The following AZI2 variants were observed in gnomAD, a reference collection of about 807,000 sequenced individuals.
The protein encoded by AZI2 is 5-azacytidine-induced protein 2.
In AZI2, 22 loss-of-function variants were observed where a neutral mutation model predicts 45.8. That is an observed-to-expected ratio of 0.48 (90% CI 0.34 to 0.69). The LOEUF is 0.69. Ranked by LOEUF, AZI2 falls within the 30% of genes least tolerant of loss-of-function variation. The probability of loss-of-function intolerance (pLI) is 0.01; values close to 1 mark genes in which losing one functional copy is unlikely to be tolerated. For synonymous variants in AZI2, 137 were observed against 156.7 expected, an observed-to-expected ratio of 0.87 and a Z score of 0.94; for missense variants, 417 against 441.5, an observed-to-expected ratio of 0.94 and a Z score of 0.50.
chr3:28,341,991 A>C (rs2125665441), intron 1 of AZI2, among the ~76,000 whole-genome samples: 1 of 152,206 alleles, frequency 6.6e-6, no homozygotes, highest in South Asian at 2.1e-4. Context: ...CCACGTTTCC[A>C]ACCCGTGTTT....
intron 5 of AZI2, among the ~76,000 whole-genome samples, chr3:28,334,177 TC>T (rs1212420736): frequency 1.3e-5 from 2 of 151,886 alleles, no homozygotes; most frequent in Admixed American, 1.3e-4. Flanking sequence ...CACTATTATA[TC>T]CATGTAGGAT....
At chr3:28,338,127 T>G (rs1350140748) in intron 3 of AZI2, 91 bp from the exon 4 acceptor site, 1 of 644,722 alleles carries the variant, frequency 1.6e-6, no homozygotes, top group African/African-American at 1.9e-5. Context: ...AAAAAACACA[T>G]TCTTGTCTTT....
At chr3:28,345,286 T>A (rs930923251) in intron 1 of AZI2, among the ~76,000 whole-genome samples, 6 of 152,176 alleles carry the variant, frequency 3.9e-5, no homozygotes, top group African/African-American at 1.2e-4. Context: ...ATTCTTAGTA[T>A]CCTTGAACAT....
chr3:28,340,487 G>A lies in AZI2; in HGVS notation c.131C>T (p.Ala44Val), dbSNP rs1250001152. Residue 44 changes from alanine (A) to valine (V), a missense_variant, in exon 2 of 8, where the codon GCA becomes GTA. Coordinates refer to ENST00000479665, the MANE Select transcript of AZI2 (RefSeq NM_022461.5). ...SVASHFALVT[A>V]YEDIKKRLKD... ...AAGTCGTTTTTTGATGTCTTCATAT[G>A]CAGTGACAAGAGCAAAATGGGAAGC... The A allele has an allele frequency of 6.2e-7, 1 of 1,611,444 alleles. No individual in the cohort carries two copies. The highest frequency in any genetic ancestry group is 1.1e-5 in the South Asian group (1 of 90,968).
In AZI2 at chr3:28,324,461, A is replaced by G. The variant is rs1703306173; in HGVS notation, c.767-7T>C. The G allele has an allele frequency of 4.1e-6, 6 of 1,456,558 alleles. No homozygotes were observed. Among genetic ancestry groups the G allele is most frequent in the African/African-American group, 1.4e-5 (1 of 70,624 alleles). 90.2% of individuals were successfully genotyped at this position (1,456,558 alleles called of 1,614,324 possible). On this transcript the variant is annotated splice_region_variant and splice_polypyrimidine_tract_variant and intron_variant, in intron 7 of 7. Transcript: ENST00000479665. Reference sequence around the variant, plus strand: ...CATCCTACAGGGGCACAGGCTAAAAAGAAAACACAGACTAAATGTCAGTTT... The same window carrying G: ...CATCCTACAGGGGCACAGGCTAAAAGGAAAACACAGACTAAATGTCAGTTT...
chr3:28,326,819 A>G lies in AZI2; in HGVS notation c.766+13T>C, dbSNP rs1703408020. On this transcript the variant is annotated intron_variant, in intron 7 of 7. Transcript: ENST00000479665. The stretch of plus-strand genomic sequence containing the variant: ...TGGCTGGAATCAGTGGTTTCCGGTA[A>G]ACAGTGACTTGCCTTTCTTGATTGC... The G allele has an allele frequency of 6.3e-7, 1 of 1,584,024 alleles. No homozygotes were observed. The highest frequency in any genetic ancestry group is 1.7e-5 in the Admixed American group (1 of 59,682).
chr3:28,331,003 A>T (rs144527293), intron 6 of AZI2, among the ~76,000 whole-genome samples: 1 of 151,490 alleles, frequency 6.6e-6, no homozygotes, highest in Non-Finnish European at 1.5e-5. Context: ...CTTTCCCCAA[A>T]TCCTGGCACA....
Position 28,336,555 on chromosome 3 carries a change from C to T in AZI2, c.588+182G>A, listed in dbSNP as rs541929237. Among the ~76,000 whole-genome samples the T allele has an allele frequency of 4.6e-5, 7 of 151,972 alleles. No individual in the cohort carries two copies. The East Asian group carries it at 1.4e-3, about 29-fold the overall frequency. Reference sequence around the variant, plus strand: ...TTTGTGACAGACTAAAAGTATATGGCATGTCAAATTTTAGCAGAAATGCTT... The same window carrying T: ...TTTGTGACAGACTAAAAGTATATGGTATGTCAAATTTTAGCAGAAATGCTT... On this transcript the variant is annotated intron_variant, in intron 5 of 7. Coordinates refer to ENST00000479665, the MANE Select transcript of AZI2 (RefSeq NM_022461.5).
At chr3:28,331,132 T>G (rs973668514) in intron 6 of AZI2, among the ~76,000 whole-genome samples, 2 of 151,400 alleles carry the variant, frequency 1.3e-5, no homozygotes, top group Non-Finnish European at 3.0e-5. Context: ...CTCCCATGAA[T>G]GGAAGCAGAA....
intron 5 of AZI2, among the ~76,000 whole-genome samples, chr3:28,333,509 AT>A (rs941213774): frequency 1.4e-5 from 2 of 147,844 alleles, no homozygotes; most frequent in African/African-American, 5.1e-5. Context: ...ATGAATTAAA[AT>A]TTTTTTTTTA....
At chr3:28,338,979 T>C (rs1703906970) in intron 2 of AZI2, among the ~76,000 whole-genome samples, 1 of 151,990 alleles carries the variant, frequency 6.6e-6, no homozygotes, top group African/African-American at 2.4e-5. Flanking sequence ...TAGGGCATAC[T>C]TGACTTTTTT....
chr3:28,336,453 G>A (rs890475867), intron 5 of AZI2, among the ~76,000 whole-genome samples: 11 of 151,946 alleles, frequency 7.2e-5, no homozygotes, highest in African/African-American at 2.7e-4. Context: ...TTGAAGGAAA[G>A]AGAGTCTGAA....
intron 1 of AZI2, 33 bp from the exon 2 acceptor site, chr3:28,340,655 T>G: frequency 1.3e-6 from 2 of 1,494,756 alleles, no homozygotes. Flanking sequence ...GAGTGACAAA[T>G]GTCTCACTGA....
chr3:28,336,834 C>T lies in AZI2; in HGVS notation c.491G>A (p.Ser164Asn), dbSNP rs890503108. The change falls in exon 5 of 8, where the codon AGC (serine) becomes AAC (asparagine). Residue 164 changes from serine to asparagine, a missense_variant. By Grantham distance (46) the Ser-to-Asn change is conservative. Transcript: ENST00000479665. ...CAAACCATGGATCTTCAGGTCACAG[C>T]TCAACTTTTCCACCTCCCAGTTTGA... The part of the protein sequence containing the change: ...PSSNWEVEKL[S>N]CDLKIHGLEQ... 2.5e-6 allele frequency: 4 copies of T among 1,613,138 alleles called. No homozygotes were observed. The highest frequency in any genetic ancestry group is 3.4e-6 in the Non-Finnish European group (4 of 1,179,544).
chr3:28,325,270 G>A (rs1301904961), intron 7 of AZI2: 2 of 151,002 alleles, frequency 1.3e-5, no homozygotes, highest in Non-Finnish European at 3.0e-5. Flanking sequence ...CAGCCTACCA[G>A]TGTGGAAAGG....
Position 28,338,030 on chromosome 3 carries a change from CT to C in AZI2, c.345del (p.Asp116ThrfsTer6). 1 of 1,565,608 alleles carries C rather than the reference CT, an allele frequency of 6.4e-7. No homozygotes were observed. The highest frequency in any genetic ancestry group is 8.7e-7 in the Non-Finnish European group (1 of 1,151,558). On this transcript the variant is annotated frameshift_variant, in exon 4 of 8. Coordinates refer to ENST00000479665, the MANE Select transcript of AZI2 (RefSeq NM_022461.5). LOFTEE classifies it high-confidence loss of function. The part of the protein sequence containing the change: ...NLKSKLDKMN[K>X]DNSESLKVLN... Reference sequence around the variant, plus strand: ...AATACTTTCAAAGATTCAGAGTTGTCTTTATTCTAGTTAAGTAGGGAAAATG... The same window carrying C: ...AATACTTTCAAAGATTCAGAGTTGTCTTATTCTAGTTAAGTAGGGAAAATG...
intron 5 of AZI2, among the ~76,000 whole-genome samples, chr3:28,333,192 T>G (rs946069821): frequency 4.0e-5 from 6 of 151,854 alleles, no homozygotes; most frequent in African/African-American, 1.4e-4. Context: ...TAATACAATC[T>G]AAATTATATA....
chr3:28,328,023 A>G (rs1304310491), intron 6 of AZI2, among the ~76,000 whole-genome samples: 1 of 149,472 alleles, frequency 6.7e-6, no homozygotes, highest in Non-Finnish European at 1.5e-5. Context: ...AATATAGTTT[A>G]TATTTAATAT....
intron 6 of AZI2, among the ~76,000 whole-genome samples, chr3:28,330,290 G>C (rs1437739499): frequency 6.6e-6 from 1 of 151,178 alleles, no homozygotes. Context: ...TTAAGATAGA[G>C]AAACAGTATA....
Sources: gnomAD v4.1 joint callset for allele counts (sites outside exome capture counted in the v4.1 genomes callset) on GRCh38, gnomAD v4.1.1 for gene constraint, MANE v1.5 for transcripts, NCBI Gene and HGNC (gene_info 2026-07-23, HGNC 2026-07-21) for gene names.